HHIP: variants seen among roughly 807,000 people sequenced by gnomAD.
HHIP encodes the protein hedgehog interacting protein.
A neutral mutation model predicts 74.0 loss-of-function variants in HHIP; 12 were observed. That is an observed-to-expected ratio of 0.16 (90% CI 0.10 to 0.26). The LOEUF is 0.26. Among genes scored for constraint, HHIP ranks in the 10% least tolerant of loss-of-function variants. The pLI, the probability that HHIP is intolerant of heterozygous loss-of-function variation, is 1.00. For synonymous variants in HHIP, 309 were observed against 311.6 expected (o/e 0.99, Z 0.09); for missense variants, 788 against 845.0 (o/e 0.93, Z 0.84).
At position 144,739,259 on chromosome 4, in the gene HHIP, A is replaced by G. The variant is rs1308439056; in HGVS notation, c.*1302A>G. 3 of 152,216 alleles carry G rather than the reference A, an allele frequency of 2.0e-5. No homozygotes were observed. The highest frequency in any genetic ancestry group is 4.4e-5 in the Non-Finnish European group (3 of 68,028). 9.4% of individuals were successfully genotyped at this position (152,216 alleles called of 1,614,324 possible). A position where few individuals can be genotyped will look rare whatever the true frequency, so the allele number is the denominator to read the frequency against. On this transcript the variant is annotated 3_prime_UTR_variant, in exon 13 of 13. Transcript: ENST00000296575. Reference sequence around the variant, plus strand: ...AAAAGTCTAGTAGATATTTTTCTTCATGGTTTTCAAAGCCAGCTCTCCACG... The same window carrying G: ...AAAAGTCTAGTAGATATTTTTCTTCGTGGTTTTCAAAGCCAGCTCTCCACG...
intron 11 of HHIP, among the ~76,000 whole-genome samples, chr4:144,725,891 G>A (rs553332465): frequency 3.3e-5 from 5 of 152,124 alleles, no homozygotes; most frequent in Admixed American, 1.3e-4. Flanking sequence ...GGCTGGTCTC[G>A]AACTCCTGGC....
Position 144,646,916 on chromosome 4 carries a change from C to A in HHIP, c.241C>A (p.Arg81=). ...GFYPRLSCCL[R]SDSPGLGRLE... ...CTACCCTCGGCTGTCCTGCTGCCTG[C>A]GGAGTGACAGCCCGGGGCTAGGGCG... Residue 81 remains arginine, a synonymous_variant, in exon 1 of 13, where the codon CGG becomes AGG. Transcript: ENST00000296575. 3 of 1,613,314 alleles carry A rather than the reference C, an allele frequency of 1.9e-6. No individual in the cohort carries two copies. The highest frequency in any genetic ancestry group is 2.5e-6 in the Non-Finnish European group (3 of 1,179,408).
In HHIP at chr4:144,689,982, T is replaced by C. The variant is rs186201323; in HGVS notation, c.832-16549T>C. ...CACCATCACGCCCAGCTAATTTTTG[T>C]ATTTTTATAGAGACAGGGTTTCACT... On this transcript the variant is annotated intron_variant, in intron 4 of 12. Transcript: ENST00000296575. 5.5e-4 allele frequency among the ~76,000 whole-genome samples: 83 copies of C among 152,226 alleles called. 1 individual carries two copies. In the East Asian group the frequency reaches 0.015, roughly 27 times the overall value.
intron 4 of HHIP, among the ~76,000 whole-genome samples, chr4:144,680,896 A>G (rs75401569): frequency 1.3e-5 from 2 of 152,284 alleles, no homozygotes; most frequent in South Asian, 4.1e-4. Context: ...ACGCCATCTC[A>G]TTGTTCCCAG....
chr4:144,663,726 G>T (rs1728780091), intron 4 of HHIP, among the ~76,000 whole-genome samples: 1 of 152,156 alleles, frequency 6.6e-6, no homozygotes, highest in African/African-American at 2.4e-5. Context: ...GGCTTTACCA[G>T]TTAATCTTTT....
chr4:144,696,721 G>A (rs1729829116), intron 4 of HHIP, among the ~76,000 whole-genome samples: 1 of 151,940 alleles, frequency 6.6e-6, no homozygotes, highest in South Asian at 2.1e-4. Flanking sequence ...TACATGGAAA[G>A]TAAAGATAAT....
intron 10 of HHIP, 135 bp downstream of exon 10, chr4:144,715,565 C>A (rs1730425871): frequency 1.3e-6 from 1 of 773,844 alleles, no homozygotes; most frequent in Non-Finnish European, 2.0e-6. Context: ...AGATGACCTA[C>A]TCCAGAGATT....
chr4:144,719,978 C>T (rs528146979), intron 11 of HHIP, among the ~76,000 whole-genome samples: 5 of 152,208 alleles, frequency 3.3e-5, no homozygotes, highest in South Asian at 2.1e-4. Flanking sequence ...TGCAACAAAA[C>T]GCTTTTCTGA....
rs749314828 is a variant in HHIP, at chr4:144,744,181, A to G, written c.*6224A>G. On this transcript the variant is annotated 3_prime_UTR_variant, in exon 13 of 13. Coordinates refer to ENST00000296575, the MANE Select transcript of HHIP (RefSeq NM_022475.3). ...AACTTGATTCCCCAGGACATGCTAC[A>G]GTAAACTAAACTATTTATTCAAAAG... 1 of 152,232 alleles carries G rather than the reference A, an allele frequency of 6.6e-6. No individual in the cohort carries two copies. Among genetic ancestry groups the G allele is most frequent in the Non-Finnish European group, 1.5e-5 (1 of 68,030 alleles). 9.4% of individuals were successfully genotyped at this position (152,232 alleles called of 1,614,324 possible). A position where few individuals can be genotyped will look rare whatever the true frequency, so the allele number is the denominator to read the frequency against.
At chr4:144,721,608 A>AAAAC (rs1469719157) in intron 11 of HHIP, among the ~76,000 whole-genome samples, 5 of 151,840 alleles carry the variant, frequency 3.3e-5, no homozygotes, top group Admixed American at 6.6e-5. Flanking sequence ...AAAAAAAAAA[A>AAAAC]AAAACTTCCA....
At chr4:144,649,181 G>A (rs1200803865) in intron 1 of HHIP, among the ~76,000 whole-genome samples, 1 of 151,766 alleles carries the variant, frequency 6.6e-6, no homozygotes, top group Non-Finnish European at 1.5e-5. Context: ...ATTTCATAAT[G>A]TGTATACAGG....
chr4:144,685,755 G>T (rs1380417144), intron 4 of HHIP: 2 of 152,182 alleles, frequency 1.3e-5, no homozygotes, highest in Non-Finnish European at 2.9e-5. Flanking sequence ...CAGCCATCTT[G>T]TTCCATTTCT....
rs148566504 is a variant in HHIP, at chr4:144,728,347, A to T, written c.1761-6394A>T. Among the ~76,000 whole-genome samples, 86 of 152,338 alleles carry T rather than the reference A, an allele frequency of 5.6e-4. 1 individual carries two copies. The East Asian group carries it at 0.015, about 27-fold the overall frequency. On this transcript the variant is annotated intron_variant, in intron 11 of 12. Transcript: ENST00000296575. ...ATGAAGAAAATATTAGTCGCAAAGA[A>T]GACAGCCAATGCTGAGCCCCACTTG...
At chr4:144,710,840 C>T (rs1730276934) in intron 7 of HHIP, among the ~76,000 whole-genome samples, 1 of 152,160 alleles carries the variant, frequency 6.6e-6, no homozygotes, top group South Asian at 2.1e-4. Flanking sequence ...TCAGCAGTGC[C>T]AAGATAGAGA....
chr4:144,697,162 A>C (rs1729843744), intron 4 of HHIP, among the ~76,000 whole-genome samples: 1 of 152,144 alleles, frequency 6.6e-6, no homozygotes, highest in South Asian at 2.1e-4. Context: ...ATATTCTTAT[A>C]GTTTTGTTAA....
chr4:144,726,485 AG>A (rs766456382), intron 11 of HHIP, among the ~76,000 whole-genome samples: 1 of 152,206 alleles, frequency 6.6e-6, no homozygotes, highest in Non-Finnish European at 1.5e-5. Context: ...GAGGTAAAAC[AG>A]TTTGAAACAA....
chr4:144,705,862 G>A (rs1195160275), intron 4 of HHIP, among the ~76,000 whole-genome samples: 1 of 152,014 alleles, frequency 6.6e-6, no homozygotes, highest in Non-Finnish European at 1.5e-5. Flanking sequence ...CCCCAGCCGT[G>A]GCCTTTAGGC....
rs139759806 is a variant in HHIP, at chr4:144,688,653, C to T, written c.832-17878C>T. On this transcript the variant is annotated intron_variant, in intron 4 of 12. Coordinates refer to ENST00000296575, the MANE Select transcript of HHIP (RefSeq NM_022475.3). ...TTTATCCTTTAAAAGACACAAGTCA[C>T]GGGGAGCATGTTAAATGTCAAAGAA... 3.4e-3 allele frequency among the ~76,000 whole-genome samples: 511 copies of T among 152,206 alleles called. 3 individuals are homozygous for T. Among genetic ancestry groups the T allele is most frequent in the African/African-American group, 0.011 (464 of 41,506 alleles).
chr4:144,695,393 T>C (rs1001266399), intron 4 of HHIP, among the ~76,000 whole-genome samples: 1 of 151,844 alleles, frequency 6.6e-6, no homozygotes, highest in African/African-American at 2.4e-5. Flanking sequence ...AATCTAAATT[T>C]GGTATCTTTT....
Sources: gnomAD v4.1 joint callset for allele counts (sites outside exome capture counted in the v4.1 genomes callset) on GRCh38, gnomAD v4.1.1 for gene constraint, MANE v1.5 for transcripts, NCBI Gene and HGNC (gene_info 2026-07-23, HGNC 2026-07-21) for gene names.